The following ARSB variants were observed in gnomAD, a reference collection of about 807,000 sequenced individuals.
The protein encoded by ARSB is N-acetylgalactosamine-4-sulfatase.
Under a neutral mutation model 50.9 loss-of-function variants are expected in ARSB, and 41 were observed. That is an observed-to-expected ratio of 0.81 (90% CI 0.63 to 1.04). ARSB has a LOEUF of 1.04. ARSB is among the 50% of genes least tolerant of loss of function. The pLI is 0.00. For synonymous variants in ARSB, 269 were observed against 284.8 expected, an observed-to-expected ratio of 0.94 and a Z score of 0.56; for missense variants, 672 against 693.3, an observed-to-expected ratio of 0.97 and a Z score of 0.35.
intron 4 of ARSB, among the ~76,000 whole-genome samples, chr5:78,894,624 C>T (rs1048544872): frequency 3.3e-5 from 5 of 152,118 alleles, no homozygotes; most frequent in South Asian, 2.1e-4. Context: ...GAAGAATAAC[C>T]GGAGAGTAAA....
At chr5:78,946,536 C>T (rs1751241715) in intron 4 of ARSB, among the ~76,000 whole-genome samples, 1 of 151,906 alleles carries the variant, frequency 6.6e-6, no homozygotes, top group South Asian at 2.1e-4. Context: ...AATAAGATAC[C>T]TAGGAATAAG....
rs181024380 is a variant in ARSB at position 78,798,562 on chromosome 5, C to G, written c.1214-16588G>C. ...CCACAAAGCCTCACCATCCAAAACG[C>G]CTTGCTGAAGGCTGAGCTCACCCTG... is the stretch of plus-strand genomic sequence containing the variant. On this transcript the variant is annotated intron_variant, in intron 6 of 7. Transcript: ENST00000264914. Among the ~76,000 whole-genome samples the G allele has an allele frequency of 5.6e-4, 85 of 152,260 alleles. 1 individual carries two copies. The highest frequency in any genetic ancestry group is 1.8e-4 in the Non-Finnish European group (12 of 68,016).
intron 1 of ARSB, among the ~76,000 whole-genome samples, chr5:78,983,123 G>C (rs1295438700): frequency 6.6e-6 from 1 of 152,068 alleles, no homozygotes; most frequent in East Asian, 1.9e-4. Context: ...GTGCGATCTC[G>C]GCTCACTGCA....
intron 6 of ARSB, among the ~76,000 whole-genome samples, chr5:78,823,592 C>G (rs889344409): frequency 1.3e-5 from 2 of 152,092 alleles, no homozygotes; most frequent in Non-Finnish European, 1.5e-5. Flanking sequence ...TTCCAGGGAC[C>G]TTCTTCTAGG....
rs111396952 is a variant in ARSB, at chr5:78,794,374, G to A, written c.1214-12400C>T. Among the ~76,000 whole-genome samples the A allele has an allele frequency of 5.8e-3, 883 of 152,208 alleles. 8 individuals carry two copies. Among genetic ancestry groups the A allele is most frequent in the African/African-American group, 0.02 (828 of 41,530 alleles). Reference sequence around the variant, plus strand: ...CAATAGTCTTCAAGTGCACAAACATGAAATAAAATAAAAACATCCAGTGTT... The same window carrying A: ...CAATAGTCTTCAAGTGCACAAACATAAAATAAAATAAAAACATCCAGTGTT... On this transcript the variant is annotated intron_variant, in intron 6 of 7. Coordinates refer to ENST00000264914, the MANE Select transcript of ARSB (RefSeq NM_000046.5).
chr5:78,839,994 C>G (rs1036789319), intron 5 of ARSB, among the ~76,000 whole-genome samples: 2 of 152,228 alleles, frequency 1.3e-5, no homozygotes, highest in Non-Finnish European at 2.9e-5. Context: ...TCACAACCTA[C>G]ATTTGTGCTG....
At chr5:78,935,553 G>A (rs1750538331) in intron 4 of ARSB, among the ~76,000 whole-genome samples, 1 of 152,280 alleles carries the variant, frequency 6.6e-6, no homozygotes, top group Middle Eastern at 3.4e-3. Flanking sequence ...ATAAGCATAG[G>A]TAGTAGCAAA....
intron 5 of ARSB, among the ~76,000 whole-genome samples, chr5:78,856,175 T>C (rs771819913): frequency 6.6e-6 from 1 of 152,204 alleles, no homozygotes; most frequent in East Asian, 1.9e-4. Context: ...AATGGAACTA[T>C]CTTGGCACCC....
chr5:78,974,343 T>G (rs1487151095), intron 1 of ARSB, among the ~76,000 whole-genome samples: 1 of 152,180 alleles, frequency 6.6e-6, no homozygotes, highest in Non-Finnish European at 1.5e-5. Context: ...TGGTGTTGAT[T>G]AGTGAAGAGT....
intron 4 of ARSB, among the ~76,000 whole-genome samples, chr5:78,933,974 A>G (rs1400924175): frequency 4.6e-5 from 7 of 152,336 alleles, no homozygotes; most frequent in Admixed American, 1.3e-4. Flanking sequence ...ACCCACTGTT[A>G]AAGGCTCTGA....
chr5:78,945,508 T>C (rs1299033325), intron 4 of ARSB, among the ~76,000 whole-genome samples: 1 of 152,114 alleles, frequency 6.6e-6, no homozygotes, highest in Non-Finnish European at 1.5e-5. Flanking sequence ...TCTTCTCTCC[T>C]CTCTTTATTG....
At chr5:78,902,454 G>A (rs1439639083) in intron 4 of ARSB, among the ~76,000 whole-genome samples, 1 of 152,094 alleles carries the variant, frequency 6.6e-6, no homozygotes, top group Non-Finnish European at 1.5e-5. Flanking sequence ...GTACCTGAAT[G>A]GTCATAGCAG....
chr5:78,944,211 C>A (rs139728667), intron 4 of ARSB, among the ~76,000 whole-genome samples: 5,300 of 152,230 alleles, frequency 0.035, 291 homozygotes, highest in African/African-American at 0.12. Flanking sequence ...AACTTCCTTG[C>A]CATGGGTTCG....
At position 78,834,646 on chromosome 5, in the gene ARSB, T is replaced by TATGC. The variant is rs35626755; in HGVS notation, c.1213+4709_1213+4710insGCAT. Among the ~76,000 whole-genome samples the TATGC allele has an allele frequency of 1.5e-3, 202 of 133,790 alleles. 1 individual carries two copies. Among genetic ancestry groups the TATGC allele is most frequent in the Middle Eastern group, 3.9e-3 (1 of 258 alleles). The allele number at this position is 133,790 out of a possible 152,430, so 87.8% of individuals were successfully genotyped here. A position where few individuals can be genotyped will look rare whatever the true frequency, so the allele number is the denominator to read the frequency against. On this transcript the variant is annotated intron_variant, in intron 6 of 7. Transcript: ENST00000264914. ...ATATATATATATATATATATATATA[T>TATGC]GCCACATTTTGTTTATTCATCCATT...
At position 78,830,619 on chromosome 5, in the gene ARSB, G is replaced by A. The variant is rs188802465; in HGVS notation, c.1213+8737C>T. Among the ~76,000 whole-genome samples the A allele has an allele frequency of 5.3e-5, 8 of 152,322 alleles. No individual in the cohort carries two copies. In the East Asian group the frequency reaches 1.5e-3, roughly 29 times the overall value. ...AGGTTTCATGCGTGCTCCTTGAGAT[G>A]TGCTGTGTGAAGTGGGGTGGAGGGG... On this transcript the variant is annotated intron_variant, in intron 6 of 7. Coordinates refer to ENST00000264914, the MANE Select transcript of ARSB (RefSeq NM_000046.5).
intron 6 of ARSB, among the ~76,000 whole-genome samples, chr5:78,793,546 A>G (rs750038622): frequency 5.3e-5 from 8 of 152,236 alleles, no homozygotes; most frequent in African/African-American, 9.6e-5. Flanking sequence ...TGTCTTCCCA[A>G]CTGCTCGGGA....
chr5:78,880,569 C>T (rs1466964876), intron 5 of ARSB, among the ~76,000 whole-genome samples: 1 of 152,190 alleles, frequency 6.6e-6, no homozygotes, highest in Admixed American at 6.5e-5. Context: ...CTTTCTCCTA[C>T]TCCAAGCCAA....
At chr5:78,818,746 T>C (rs1165142333) in intron 6 of ARSB, among the ~76,000 whole-genome samples, 1 of 151,702 alleles carries the variant, frequency 6.6e-6, no homozygotes, top group South Asian at 2.1e-4. Context: ...GCCTCTTGAG[T>C]AGCTGGGACT....
chr5:78,781,562 CT>C (rs1748927576), intron 7 of ARSB, among the ~76,000 whole-genome samples: 1 of 152,020 alleles, frequency 6.6e-6, no homozygotes, highest in Non-Finnish European at 1.5e-5. Context: ...AAATAGTTGT[CT>C]TTCTAGGACA....
Sources: allele counts gnomAD v4.1 joint callset (sites outside exome capture counted in the v4.1 genomes callset), GRCh38; gene constraint gnomAD v4.1.1; transcripts MANE v1.5; gene names NCBI Gene and HGNC (gene_info 2026-07-23, HGNC 2026-07-21).